Variants in ATRX observed in about 807,000 individuals in gnomAD.
ATRX encodes the protein chromatin remodeler ATRX.
ATRX carries 12 observed loss-of-function variants against 172.6 expected under a neutral mutation model. The ratio of observed to expected loss-of-function variants is 0.07; its 90% CI spans 0.04 to 0.11. ATRX has a LOEUF of 0.11. ATRX is among the 10% of genes least tolerant of loss of function. The pLI is 1.00. For missense variants in ATRX, 1,368 were observed against 1,767.4 expected (o/e 0.77, Z 4.05); for synonymous variants, 674 against 594.7 (o/e 1.13, Z -1.94).
At chrX:77,770,500 C>CT (rs1221396235) in intron 1 of ATRX, among the ~76,000 whole-genome samples, 16 of 111,746 alleles carry the variant, frequency 1.4e-4, no homozygotes, top group African/African-American at 5.2e-4. Flanking sequence ...CATGCATCTC[C>CT]TGTTACAGAG....
intron 1 of ATRX, among the ~76,000 whole-genome samples, chrX:77,725,549 G>A (rs1216271932): frequency 9.0e-6 from 1 of 111,547 alleles, no homozygotes; most frequent in Non-Finnish European, 1.9e-5. Context: ...TACCATTCAG[G>A]ACATAGGCAT....
intron 27 of ATRX, among the ~76,000 whole-genome samples, chrX:77,582,833 T>C (rs1274827017): frequency 3.6e-5 from 4 of 111,600 alleles, no homozygotes; most frequent in African/African-American, 1.3e-4. Flanking sequence ...TAAAAAGTAA[T>C]GAGATTGAAG....
intron 1 of ATRX, among the ~76,000 whole-genome samples, chrX:77,764,082 C>G (rs2075821861): frequency 9.0e-6 from 1 of 110,989 alleles, no homozygotes; most frequent in African/African-American, 3.3e-5. Flanking sequence ...CCACTGTACT[C>G]TAGCCTGGGA....
In ATRX at chrX:77,563,702, C is replaced by CGTGTGTGTGTGT. The variant is rs201190876; in HGVS notation, c.6327-4868_6327-4857dup. Among the ~76,000 whole-genome samples, 4 of 95,491 alleles carry CGTGTGTGTGTGT rather than the reference C, an allele frequency of 4.2e-5. No homozygotes were observed. In the Admixed American group the frequency reaches 4.7e-4, roughly 11 times the overall value. 82.9% of individuals were successfully genotyped at this position (95,491 alleles called of 115,157 possible). A position where few individuals can be genotyped will look rare whatever the true frequency, so the allele number is the denominator to read the frequency against. ...GGAGTTAAGAACTTGTGTGTACATG[C>CGTGTGTGTGTGT]GTGTGTGTGTGTGTGTGTGTGTGTG... On this transcript the variant is annotated intron_variant, in intron 28 of 34. Transcript: ENST00000373344.
chrX:77,691,602 C>T (rs1344840659), intron 6 of ATRX, among the ~76,000 whole-genome samples: 2 of 110,881 alleles, frequency 1.8e-5, no homozygotes, highest in African/African-American at 3.3e-5. Context: ...TAACTTTAAC[C>T]GTATCTTTGT....
intron 19 of ATRX, among the ~76,000 whole-genome samples, chrX:77,625,235 A>C: frequency 8.9e-6 from 1 of 112,531 alleles, no homozygotes; most frequent in Non-Finnish European, 1.9e-5. Flanking sequence ...TCTTATACAA[A>C]AATCACCTCA....
chrX:77,578,323 C>T (rs781821830), intron 27 of ATRX, among the ~76,000 whole-genome samples: 24 of 112,057 alleles, frequency 2.1e-4, no homozygotes, highest in African/African-American at 7.8e-4. Context: ...ACCACTGGGG[C>T]GGCTAAGAGA....
At chrX:77,712,982 C>T (rs1254303079) in intron 2 of ATRX, among the ~76,000 whole-genome samples, 2 of 110,301 alleles carry the variant, frequency 1.8e-5, no homozygotes, top group African/African-American at 6.6e-5. Flanking sequence ...AACCCTGTCT[C>T]TACTAAAAAT....
rs1742392602 is a variant in ATRX at position 77,507,078 on chromosome X, A to G, written c.*1273T>C. The G allele has an allele frequency of 5.9e-6, 1 of 170,050 alleles. No individual in the cohort carries two copies. Among genetic ancestry groups the G allele is most frequent in the African/African-American group, 3.0e-5 (1 of 33,100 alleles). 14.0% of individuals were successfully genotyped at this position (170,050 alleles called of 1,213,427 possible). A position where few individuals can be genotyped will look rare whatever the true frequency, so the allele number is the denominator to read the frequency against. On this transcript the variant is annotated 3_prime_UTR_variant, in exon 35 of 35. Transcript: ENST00000373344. Reference sequence around the variant, plus strand: ...TAAATTTATAGGTCATTTTTGCAGAACTGGATTAAGAAAAAATAAAATGTA... The same window carrying G: ...TAAATTTATAGGTCATTTTTGCAGAGCTGGATTAAGAAAAAATAAAATGTA...
chrX:77,652,453 C>T, intron 14 of ATRX, 100 bp from the exon 15 acceptor site: 1 of 783,428 alleles, frequency 1.3e-6, no homozygotes, highest in Non-Finnish European at 1.8e-6. Context: ...TGGAAGAAAA[C>T]ATGCTGAAAA....
chrX:77,530,134 G>A (rs2063522147), intron 30 of ATRX, among the ~76,000 whole-genome samples: 1 of 111,807 alleles, frequency 8.9e-6, no homozygotes, highest in Non-Finnish European at 1.9e-5. Context: ...TCAAGAATAA[G>A]AAATCCACTC....
At chrX:77,766,547 C>T (rs1271121257) in intron 1 of ATRX, among the ~76,000 whole-genome samples, 2 of 74,775 alleles carry the variant, frequency 2.7e-5, no homozygotes, top group African/African-American at 1.0e-4. Context: ...CAGACGGGGT[C>T]GCAGCCGGGC....
At chrX:77,678,747 C>T (rs1013456399) in intron 9 of ATRX, among the ~76,000 whole-genome samples, 4 of 110,531 alleles carry the variant, frequency 3.6e-5, no homozygotes, top group Non-Finnish European at 7.6e-5. Context: ...CCTTGGCCTC[C>T]CAAAGTGCTG....
At chrX:77,549,903 T>C (rs1358845110) in intron 30 of ATRX, among the ~76,000 whole-genome samples, 1 of 111,806 alleles carries the variant, frequency 8.9e-6, no homozygotes, top group African/African-American at 3.3e-5. Context: ...GAGGATCACA[T>C]GATGCCAGGA....
At chrX:77,777,928 G>T (rs1234742759) in intron 1 of ATRX, among the ~76,000 whole-genome samples, 1 of 109,210 alleles carries the variant, frequency 9.2e-6, no homozygotes, top group Non-Finnish European at 1.9e-5. Flanking sequence ...CGAGGTCTAG[G>T]AGTTCGAGAC....
rs782458143 is a variant in ATRX at position 77,635,900 on chromosome X, C to T, written c.4699+15G>A. 1 of 1,188,522 alleles carries T rather than the reference C, an allele frequency of 8.4e-7. No individual in the cohort carries two copies. Among genetic ancestry groups the T allele is most frequent in the Non-Finnish European group, 1.1e-6 (1 of 879,507 alleles). ...ATTTAACTAAAAATTATTGAATCAT[C>T]TAATAGTTTCTTACCATCTACTTGA... On this transcript the variant is annotated intron_variant, in intron 16 of 34. Transcript: ENST00000373344.
In ATRX at chrX:77,682,783, T is replaced by A. The variant is rs781818755; in HGVS notation, c.2473A>T (p.Ile825Leu). 5.0e-6 allele frequency: 6 copies of A among 1,208,664 alleles called. No individual in the cohort carries two copies. Residue 825 changes from isoleucine (I) to leucine (L), a missense_variant, in exon 9 of 35, where the codon ATA (isoleucine) becomes TTA (leucine). Coordinates refer to ENST00000373344, the MANE Select transcript of ATRX (RefSeq NM_000489.6). ...SNYDSELEKE[I>L]KSMSKIGAAR... ...GCACCAATTTTACTCATGCTCTTTA[T>A]CTCTTTTTCTAATTCTGAGTCATAA...
At chrX:77,597,522 C>A (rs781818778) in intron 25 of ATRX, among the ~76,000 whole-genome samples, 45 of 110,718 alleles carry the variant, frequency 4.1e-4, no homozygotes, top group Non-Finnish European at 7.0e-4. Context: ...AGACAACTTA[C>A]AGAATGAGAG....
chrX:77,531,916 T>A (rs2063588080), intron 30 of ATRX, among the ~76,000 whole-genome samples: 5 of 112,209 alleles, frequency 4.5e-5, no homozygotes, highest in Non-Finnish European at 9.4e-5. Context: ...CTTAAGCTGA[T>A]AAGAAACTTC....
Sources: gnomAD v4.1 joint callset for allele counts (sites outside exome capture counted in the v4.1 genomes callset) on GRCh38, gnomAD v4.1.1 for gene constraint, MANE v1.5 for transcripts, NCBI Gene and HGNC (gene_info 2026-07-23, HGNC 2026-07-21) for gene names.